Variants in SCGN observed in about 807,000 individuals in gnomAD.
The protein encoded by SCGN is secretagogin, EF-hand calcium binding protein, also known as secretagogin.
SCGN carries 30 observed loss-of-function variants against 39.7 expected under a neutral mutation model. The observed-to-expected ratio is 0.76, with a 90% CI of 0.57 to 1.03. SCGN has a LOEUF of 1.03. Among genes scored for constraint, SCGN ranks in the 50% least tolerant of loss-of-function variants. The pLI is 0.00. For synonymous variants in SCGN, 106 were observed against 114.1 expected, an observed-to-expected ratio of 0.93 and a Z score of 0.45; for missense variants, 353 against 349.4, an observed-to-expected ratio of 1.01 and a Z score of -0.08.
intron 6 of SCGN, among the ~76,000 whole-genome samples, chr6:25,678,141 C>A (rs1325173674): frequency 6.6e-6 from 1 of 152,134 alleles, no homozygotes; most frequent in Non-Finnish European, 1.5e-5. Flanking sequence ...GCCTTTATAG[C>A]ACCTTTCAGG....
chr6:25,663,579 A>G (rs1385033296), intron 3 of SCGN, among the ~76,000 whole-genome samples: 1 of 152,182 alleles, frequency 6.6e-6, no homozygotes, highest in Non-Finnish European at 1.5e-5. Flanking sequence ...CCATTTTCCA[A>G]ATGAGGAAAC....
intron 7 of SCGN, among the ~76,000 whole-genome samples, chr6:25,686,895 A>G (rs1759712836): frequency 6.6e-6 from 1 of 152,000 alleles, no homozygotes; most frequent in Admixed American, 6.6e-5. Context: ...TGGGGGCACA[A>G]TTTCATTATT....
intron 2 of SCGN, among the ~76,000 whole-genome samples, chr6:25,660,198 A>G (rs1394235567): frequency 6.6e-6 from 1 of 152,164 alleles, no homozygotes; most frequent in African/African-American, 2.4e-5. Context: ...CAGTCCAAAA[A>G]TGTTTATTCA....
At position 25,670,096 on chromosome 6, in the gene SCGN, A is replaced by C; in HGVS notation, c.471+20A>C. 1 of 1,556,604 alleles carries C rather than the reference A, an allele frequency of 6.4e-7. No homozygotes were observed. The highest frequency in any genetic ancestry group is 8.9e-7 in the Non-Finnish European group (1 of 1,127,626). On this transcript the variant is annotated intron_variant, in intron 6 of 10. Transcript: ENST00000377961. ...ACCATGGTAAGTAATGAGTAATGTA[A>C]TCTCCATGAGGGCAGCTCCCCCACT...
At chr6:25,664,240 G>T (rs1265749903) in intron 3 of SCGN, among the ~76,000 whole-genome samples, 1 of 152,152 alleles carries the variant, frequency 6.6e-6, no homozygotes, top group Non-Finnish European at 1.5e-5. Context: ...TAATGTAAAA[G>T]AATATAAACC....
Position 25,652,346 on chromosome 6 carries a change from C to A in SCGN, c.-58C>A. The A allele has an allele frequency of 7.4e-7, 1 of 1,347,020 alleles. No individual in the cohort carries two copies. The highest frequency in any genetic ancestry group is 1.2e-5 in the South Asian group (1 of 85,274). The allele number at this position is 1,347,020 out of a possible 1,614,324, so 83.4% of individuals were successfully genotyped here. On this transcript the variant is annotated 5_prime_UTR_variant, in exon 1 of 11. Coordinates refer to ENST00000377961, the MANE Select transcript of SCGN (RefSeq NM_006998.4). ...AAGTCAAGAAATACGGTGAAGGAGT[C>A]CTTCCCAAAGTTGTCTAGGTCCTTC...
Position 25,669,993 on chromosome 6 carries a change from C to G in SCGN, c.394-6C>G. The G allele has an allele frequency of 6.2e-7, 1 of 1,612,206 alleles. No individual in the cohort carries two copies. Among genetic ancestry groups the G allele is most frequent in the Non-Finnish European group, 8.5e-7 (1 of 1,178,348 alleles). On this transcript the variant is annotated splice_polypyrimidine_tract_variant and splice_region_variant and intron_variant, in intron 5 of 10. Coordinates refer to ENST00000377961, the MANE Select transcript of SCGN (RefSeq NM_006998.4). Reference sequence around the variant, plus strand: ...ATAAAGTATGATTCTTCTCTTGGCGCCACAGAACTTCCTCCGAGACCTCTT... The same window carrying G: ...ATAAAGTATGATTCTTCTCTTGGCGGCACAGAACTTCCTCCGAGACCTCTT...
chr6:25,697,175 C>T (rs547378472), intron 10 of SCGN, among the ~76,000 whole-genome samples: 1 of 152,248 alleles, frequency 6.6e-6, no homozygotes, highest in South Asian at 2.1e-4. Flanking sequence ...TTTTAAAAAG[C>T]AATGGCAGGT....
chr6:25,653,333 T>G, intron 1 of SCGN, 49 bp from the exon 2 acceptor site: 2 of 1,181,462 alleles, frequency 1.7e-6, no homozygotes, highest in Non-Finnish European at 2.5e-6. Context: ...AATACTGTCA[T>G]GTGTTTTTTA....
intron 4 of SCGN, among the ~76,000 whole-genome samples, chr6:25,665,759 T>C (rs1418420577): frequency 6.6e-6 from 1 of 152,236 alleles, no homozygotes; most frequent in Non-Finnish European, 1.5e-5. Flanking sequence ...AAGTTTTGCA[T>C]AGGCAATTCA....
chr6:25,671,545 A>G (rs1759498184), intron 6 of SCGN, among the ~76,000 whole-genome samples: 1 of 152,238 alleles, frequency 6.6e-6, no homozygotes, highest in African/African-American at 2.4e-5. Context: ...CAGGATCTCA[A>G]TTAAGGAAAT....
chr6:25,668,630 T>C (rs989088716), intron 4 of SCGN, among the ~76,000 whole-genome samples: 1 of 152,212 alleles, frequency 6.6e-6, no homozygotes, highest in African/African-American at 2.4e-5. Context: ...GTGGGTCCCA[T>C]GATTTATTCC....
chr6:25,673,029 G>A (rs1364726630), intron 6 of SCGN, among the ~76,000 whole-genome samples: 1 of 152,072 alleles, frequency 6.6e-6, no homozygotes, highest in East Asian at 1.9e-4. Context: ...CCTTCACATG[G>A]GACCTGACAA....
At chr6:25,681,407 C>G (rs1759635524) in intron 6 of SCGN, among the ~76,000 whole-genome samples, 1 of 152,172 alleles carries the variant, frequency 6.6e-6, no homozygotes, top group Admixed American at 6.5e-5. Context: ...ACCCATATTT[C>G]AAGCTTGTAA....
At chr6:25,699,482 T>A (rs28690540) in intron 10 of SCGN, among the ~76,000 whole-genome samples, 3 of 146,638 alleles carry the variant, frequency 2.0e-5, no homozygotes, top group East Asian at 4.0e-4. Context: ...CCCAGCTACT[T>A]GGGAGGGTGA....
At position 25,665,682 on chromosome 6, in the gene SCGN, C is replaced by A. The variant is rs374093390; in HGVS notation, c.336+650C>A. 3.2e-4 allele frequency among the ~76,000 whole-genome samples: 49 copies of A among 152,306 alleles called. 1 individual carries two copies. The South Asian group carries it at 9.1e-3, about 28-fold the overall frequency. On this transcript the variant is annotated intron_variant, in intron 4 of 10. Coordinates refer to ENST00000377961, the MANE Select transcript of SCGN (RefSeq NM_006998.4). ...TTCCCCAAGGCCAGAGCAGCAGATT[C>A]AAGACAGCCACTGTATCCGGGACCC...
Position 25,666,457 on chromosome 6 carries a change from C to T in SCGN, c.336+1425C>T, listed in dbSNP as rs1337198674. Among the ~76,000 whole-genome samples, 5 of 152,098 alleles carry T rather than the reference C, an allele frequency of 3.3e-5. No homozygotes were observed. The South Asian group carries it at 6.2e-4, about 19-fold the overall frequency. ...CAATGATGTTCATATAATGTTGCAT[C>T]GTCACTTATAGTTCAAACTGAAAAT... On this transcript the variant is annotated intron_variant, in intron 4 of 10. Coordinates refer to ENST00000377961, the MANE Select transcript of SCGN (RefSeq NM_006998.4).
intron 7 of SCGN, among the ~76,000 whole-genome samples, chr6:25,683,750 G>A (rs1489999226): frequency 1.3e-5 from 2 of 152,144 alleles, no homozygotes; most frequent in Admixed American, 6.5e-5. Flanking sequence ...GTGACATTTT[G>A]GTAACTCAGG....
chr6:25,694,703 A>G (rs774307399), intron 10 of SCGN, among the ~76,000 whole-genome samples: 4 of 152,236 alleles, frequency 2.6e-5, no homozygotes, highest in Admixed American at 2.0e-4. Context: ...TTGAAGGTGC[A>G]TACGTTTACT....
Sources: gnomAD v4.1 joint callset for allele counts (sites outside exome capture counted in the v4.1 genomes callset) on GRCh38, gnomAD v4.1.1 for gene constraint, MANE v1.5 for transcripts, NCBI Gene and HGNC (gene_info 2026-07-23, HGNC 2026-07-21) for gene names.